CLCN6: variants seen among roughly 807,000 people sequenced by gnomAD.
CLCN6 encodes H(+)/Cl(-) exchange transporter 6.
In CLCN6, 70 loss-of-function variants were observed where a neutral mutation model predicts 109.8. The observed-to-expected ratio is 0.64, with a 90% CI of 0.53 to 0.78. The LOEUF is 0.78. CLCN6 is among the 30% of genes least tolerant of loss of function. CLCN6 has a pLI of 0.00. For missense variants in CLCN6, 984 were observed against 1,142.3 expected, an observed-to-expected ratio of 0.86 and a Z score of 2.00; for synonymous variants, 444 against 447.8, an observed-to-expected ratio of 0.99 and a Z score of 0.11.
At chr1:11,816,253 G>A (rs1049256502) in intron 3 of CLCN6, among the ~76,000 whole-genome samples, 2 of 152,182 alleles carry the variant, frequency 1.3e-5, no homozygotes, top group Non-Finnish European at 2.9e-5. Flanking sequence ...TCAGTATAGT[G>A]TAAACATCAC....
In CLCN6 at chr1:11,840,729, C is replaced by G. The variant is rs1335486255; in HGVS notation, c.*506C>G. 5.2e-6 allele frequency: 1 copy of G among 192,166 alleles called. No individual in the cohort carries two copies. The highest frequency in any genetic ancestry group is 2.3e-5 in the African/African-American group (1 of 43,774). The allele number at this position is 192,166 out of a possible 1,614,324, so 11.9% of individuals were successfully genotyped here. A position where few individuals can be genotyped will look rare whatever the true frequency, so the allele number is the denominator to read the frequency against. On this transcript the variant is annotated 3_prime_UTR_variant, in exon 23 of 23. Coordinates refer to ENST00000346436, the MANE Select transcript of CLCN6 (RefSeq NM_001286.5). ...ATTCTCAATATTTCAGAGAGTCCTT[C>G]CCTTATTTGGGACTCTTAACACGGT...
chr1:11,827,430 C>CTTTTTTTTTTTTTTT (rs59015951), intron 10 of CLCN6, among the ~76,000 whole-genome samples: 7 of 105,020 alleles, frequency 6.7e-5, no homozygotes, highest in Non-Finnish European at 1.3e-4. Context: ...ACCGCTGTTA[C>CTTTTTTTTTTTTTTT]TTTTTTTTTT....
chr1:11,828,342 T>C, intron 11 of CLCN6, 116 bp from the exon 12 acceptor site: 1 of 1,442,578 alleles, frequency 6.9e-7, no homozygotes, highest in Non-Finnish European at 9.7e-7. Context: ...TCTCACCCAT[T>C]AGCCTCTGCC....
chr1:11,840,357 T>A lies in CLCN6; in HGVS notation c.*134T>A. 1 of 795,666 alleles carries A rather than the reference T, an allele frequency of 1.3e-6. No homozygotes were observed. The highest frequency in any genetic ancestry group is 1.4e-5 in the South Asian group (1 of 70,040). The allele number at this position is 795,666 out of a possible 1,614,324, so 49.3% of individuals were successfully genotyped here. A position where few individuals can be genotyped will look rare whatever the true frequency, so the allele number is the denominator to read the frequency against. On this transcript the variant is annotated 3_prime_UTR_variant, in exon 23 of 23. Transcript: ENST00000346436. ...CACTCACTCAGAAAGCCGGGAGTCA[T>A]CGGACACCTTGCTGGTCAGAGGTCC...
At chr1:11,817,874 G>A (rs908795756) in intron 4 of CLCN6, among the ~76,000 whole-genome samples, 1 of 152,168 alleles carries the variant, frequency 6.6e-6, no homozygotes, top group Non-Finnish European at 1.5e-5. Flanking sequence ...CATCTTACTA[G>A]GTAAGACTGA....
intron 4 of CLCN6, 149 bp downstream of exon 4, chr1:11,816,829 G>T: frequency 1.9e-6 from 1 of 513,546 alleles, no homozygotes; most frequent in Non-Finnish European, 3.3e-6. Context: ...AATCAAGAGT[G>T]CCTTTTCTTT....
At chr1:11,813,709 A>G (rs1215350870) in intron 2 of CLCN6, among the ~76,000 whole-genome samples, 2 of 152,182 alleles carry the variant, frequency 1.3e-5, no homozygotes, top group Non-Finnish European at 2.9e-5. Flanking sequence ...TTTAAAATAT[A>G]AAAAAGCACA....
In CLCN6 at chr1:11,841,840, C is replaced by G. The variant is rs557144141; in HGVS notation, c.*1617C>G. The stretch of plus-strand genomic sequence containing the variant: ...CTGATTGTGGCCCCTCCATTTTCCC[C>G]ATTTTCTTATCTCCCTGACCAAAAT... On this transcript the variant is annotated 3_prime_UTR_variant, in exon 23 of 23. Coordinates refer to ENST00000346436, the MANE Select transcript of CLCN6 (RefSeq NM_001286.5). The G allele has an allele frequency of 3.4e-4, 52 of 152,366 alleles. No homozygotes were observed. Among genetic ancestry groups the G allele is most frequent in the African/African-American group, 1.2e-3 (49 of 41,578 alleles). 9.4% of individuals were successfully genotyped at this position (152,366 alleles called of 1,614,324 possible).
intron 13 of CLCN6, among the ~76,000 whole-genome samples, chr1:11,830,599 CCT>C (rs1213735194): frequency 6.6e-6 from 1 of 151,480 alleles, no homozygotes; most frequent in African/African-American, 2.4e-5. Flanking sequence ...GATCCTGGAC[CCT>C]ATCCCTGGTG....
In CLCN6 at chr1:11,840,249, C is replaced by T; in HGVS notation, c.*26C>T. The T allele has an allele frequency of 2.5e-6, 4 of 1,592,106 alleles. No individual in the cohort carries two copies. The highest frequency in any genetic ancestry group is 2.6e-6 in the Non-Finnish European group (3 of 1,163,722). ...CAGCCCAGCCCACCCTCTCCTGGTG[C>T]TGCCTGGGGAGGCAAATCATGCTCA... On this transcript the variant is annotated 3_prime_UTR_variant, in exon 23 of 23. Coordinates refer to ENST00000346436, the MANE Select transcript of CLCN6 (RefSeq NM_001286.5).
chr1:11,828,654 C>G, intron 12 of CLCN6, 30 bp downstream of exon 12: 5 of 1,567,808 alleles, frequency 3.2e-6, no homozygotes, highest in Non-Finnish European at 4.3e-6. Context: ...CCCCCCGAGC[C>G]TGCTGCGGCT....
chr1:11,826,884 G>A (rs1644818284), intron 9 of CLCN6, among the ~76,000 whole-genome samples: 1 of 152,166 alleles, frequency 6.6e-6, no homozygotes, highest in Non-Finnish European at 1.5e-5. Context: ...TAGCCGCCAT[G>A]CTGAAAGGGA....
intron 10 of CLCN6, among the ~76,000 whole-genome samples, 194 bp from the exon 11 acceptor site, chr1:11,827,912 C>T (rs181588079): frequency 7.9e-5 from 12 of 152,140 alleles, no homozygotes; most frequent in African/African-American, 2.7e-4. Context: ...GCTGCTGGAA[C>T]GGAAACTTCT....
chr1:11,818,004 G>A (rs144449315), intron 4 of CLCN6, among the ~76,000 whole-genome samples: 1 of 152,108 alleles, frequency 6.6e-6, no homozygotes, highest in East Asian at 1.9e-4. Context: ...GCTCACACCT[G>A]TAATCCCAGC....
chr1:11,836,718 GA>G (rs1298224496), intron 18 of CLCN6, among the ~76,000 whole-genome samples: 4 of 152,142 alleles, frequency 2.6e-5, no homozygotes, highest in Non-Finnish European at 5.9e-5. Context: ...CACGTTGATT[GA>G]AAATTCTATC....
rs1159443580 is a variant in CLCN6 at position 11,829,322 on chromosome 1, G to C, written c.1248G>C (p.Gln416His). 2 of 1,614,030 alleles carry C rather than the reference G, an allele frequency of 1.2e-6. No individual in the cohort carries two copies. Among genetic ancestry groups the C allele is most frequent in the Non-Finnish European group, 1.7e-6 (2 of 1,179,960 alleles). The part of the protein sequence containing the change: ...SQIGNDSFQL[Q>H]VTEDVNSSIK... ...TCGGTAATGACTCATTCCAGCTCCAGGTAACCCCAGTGCACCTGCTACCTT... is the reference window on the plus strand; with the variant it reads ...TCGGTAATGACTCATTCCAGCTCCACGTAACCCCAGTGCACCTGCTACCTT... Residue 416 changes from glutamine (Q) to histidine (H), a missense_variant and splice_region_variant, in exon 13 of 23, where the codon CAG becomes CAC. Gln to His is a conservative substitution (Grantham distance 24). Coordinates refer to ENST00000346436, the MANE Select transcript of CLCN6 (RefSeq NM_001286.5).
At position 11,822,659 on chromosome 1, in the gene CLCN6, G is replaced by A. The variant is rs1193504998; in HGVS notation, c.347-36G>A. ...CAAGTGATGACGGGGACACCCCTCG[G>A]CTGATGAACAAGTTTCCTTAACCCA... On this transcript the variant is annotated intron_variant, in intron 5 of 22. Transcript: ENST00000346436. The A allele has an allele frequency of 3.1e-6, 4 of 1,308,910 alleles. No individual in the cohort carries two copies. In the African/African-American group the frequency reaches 4.4e-5, roughly 14 times the overall value. 81.1% of individuals were successfully genotyped at this position (1,308,910 alleles called of 1,614,324 possible).
At chr1:11,828,661 G>T in intron 12 of CLCN6, 37 bp downstream of exon 12, 1 of 1,563,234 alleles carries the variant, frequency 6.4e-7, no homozygotes, top group Non-Finnish European at 8.7e-7. Context: ...AGCCTGCTGC[G>T]GCTCCCTGAG....
chr1:11,826,836 A>G (rs1644817669), intron 9 of CLCN6, among the ~76,000 whole-genome samples: 1 of 152,116 alleles, frequency 6.6e-6, no homozygotes, highest in South Asian at 2.1e-4. Flanking sequence ...GAGATCACAG[A>G]AAACACAGAG....
Sources: allele counts gnomAD v4.1 joint callset (sites outside exome capture counted in the v4.1 genomes callset), GRCh38; gene constraint gnomAD v4.1.1; transcripts MANE v1.5; gene names NCBI Gene and HGNC (gene_info 2026-07-23, HGNC 2026-07-21).